The following UNC5C variants were observed in gnomAD, a reference collection of about 807,000 sequenced individuals.
UNC5C encodes netrin receptor UNC5C.
Under a neutral mutation model 99.8 loss-of-function variants are expected in UNC5C, and 47 were observed. The ratio of observed to expected loss-of-function variants is 0.47; its 90% CI spans 0.37 to 0.60. The LOEUF (loss-of-function observed/expected upper bound fraction) is 0.60. Ranked by LOEUF, UNC5C falls within the 20% of genes least tolerant of loss-of-function variation. UNC5C has a pLI of 0.00. For missense variants in UNC5C, 1,062 were observed against 1,165.9 expected, an observed-to-expected ratio of 0.91 and a Z score of 1.30; for synonymous variants, 487 against 452.2, an observed-to-expected ratio of 1.08 and a Z score of -0.98.
At chr4:95,244,257 C>T (rs561088420) in intron 6 of UNC5C, among the ~76,000 whole-genome samples, 9 of 152,180 alleles carry the variant, frequency 5.9e-5, no homozygotes, top group East Asian at 1.9e-4. Context: ...TATTGTATAA[C>T]GAGGCATTTT....
Position 95,368,374 on chromosome 4 carries a change from G to T in UNC5C, c.125-32743C>A, listed in dbSNP as rs577807094. Among the ~76,000 whole-genome samples, 24 of 148,542 alleles carry T rather than the reference G, an allele frequency of 1.6e-4. 1 individual carries two copies. The South Asian group carries it at 4.9e-3, about 30-fold the overall frequency. On this transcript the variant is annotated intron_variant, in intron 1 of 15. Transcript: ENST00000453304. Reference sequence around the variant, plus strand: ...CTACTACATTTCACATCCCATTATGGCATTGGTAAGAATTATCAATTCATT... The same window carrying T: ...CTACTACATTTCACATCCCATTATGTCATTGGTAAGAATTATCAATTCATT...
intron 2 of UNC5C, among the ~76,000 whole-genome samples, chr4:95,329,438 A>G (rs2149417583): frequency 6.6e-6 from 1 of 152,332 alleles, no homozygotes; most frequent in Non-Finnish European, 1.5e-5. Flanking sequence ...AATCAGTGAA[A>G]TCTATATACC....
At chr4:95,400,384 C>CTT (rs1171870515) in intron 1 of UNC5C, among the ~76,000 whole-genome samples, 5,274 of 65,736 alleles carry the variant, frequency 0.08, 1,210 homozygotes, top group African/African-American at 0.11. Flanking sequence ...GAGATGAATT[C>CTT]TTTTTTTTTT....
At chr4:95,326,075 G>A (rs182467483) in intron 2 of UNC5C, among the ~76,000 whole-genome samples, 4 of 152,232 alleles carry the variant, frequency 2.6e-5, no homozygotes, top group African/African-American at 7.2e-5. Flanking sequence ...TAAGTGATTT[G>A]AGGCAAGTTT....
At position 95,238,892 on chromosome 4, in the gene UNC5C, TG is replaced by T. The variant is rs555500896; in HGVS notation, c.1108+3536del. Among the ~76,000 whole-genome samples the T allele has an allele frequency of 7.2e-5, 11 of 152,336 alleles. No homozygotes were observed. In the South Asian group the frequency reaches 2.3e-3, roughly 32 times the overall value. On this transcript the variant is annotated intron_variant, in intron 7 of 15. Transcript: ENST00000453304. ...TGCCTTCCTCTCTAGACATTCCATT[TG>T]TTTTTTTCTCCAAATCTGTCTTTTT...
chr4:95,367,298 A>G (rs928858205), intron 1 of UNC5C, among the ~76,000 whole-genome samples: 2 of 150,374 alleles, frequency 1.3e-5, no homozygotes, highest in Non-Finnish European at 2.9e-5. Flanking sequence ...CCTCACAAGT[A>G]GTTGGGATTA....
intron 10 of UNC5C, among the ~76,000 whole-genome samples, chr4:95,209,379 A>G (rs990559909): frequency 6.6e-6 from 1 of 152,212 alleles, no homozygotes; most frequent in African/African-American, 2.4e-5. Context: ...TAAGAACACA[A>G]TTAAAATTTG....
chr4:95,288,494 G>A (rs113593014), intron 3 of UNC5C, among the ~76,000 whole-genome samples: 4,095 of 152,280 alleles, frequency 0.027, 181 homozygotes, highest in African/African-American at 0.092. Context: ...AATGGATGCC[G>A]CGTAGCAGCT....
intron 1 of UNC5C, among the ~76,000 whole-genome samples, chr4:95,366,818 C>T (rs1744587397): frequency 6.6e-6 from 1 of 152,126 alleles, no homozygotes; most frequent in Admixed American, 6.6e-5. Context: ...GCTGTTATTT[C>T]AAAAGAAAAA....
chr4:95,290,606 C>T (rs1447902327), intron 3 of UNC5C, among the ~76,000 whole-genome samples: 2 of 152,092 alleles, frequency 1.3e-5, no homozygotes, highest in Non-Finnish European at 2.9e-5. Context: ...GATAACAGAA[C>T]TTACTTCATA....
intron 14 of UNC5C, among the ~76,000 whole-genome samples, chr4:95,179,953 G>GTTTA (rs1736543479): frequency 6.6e-6 from 1 of 151,704 alleles, no homozygotes; most frequent in Admixed American, 6.6e-5. Flanking sequence ...TTATTTTTGT[G>GTTTA]TTTATTTTGA....
chr4:95,291,527 A>G (rs1237581530), intron 3 of UNC5C, among the ~76,000 whole-genome samples: 1 of 152,192 alleles, frequency 6.6e-6, no homozygotes, highest in African/African-American at 2.4e-5. Context: ...GACTTATGAG[A>G]CTGTGTTCTA....
At chr4:95,241,002 A>G (rs1370950064) in intron 7 of UNC5C, among the ~76,000 whole-genome samples, 5 of 152,368 alleles carry the variant, frequency 3.3e-5, no homozygotes, top group African/African-American at 1.2e-4. Flanking sequence ...GAGAGAAAGA[A>G]CGTGAAAGGC....
chr4:95,496,668 G>C (rs1375270708), intron 1 of UNC5C, among the ~76,000 whole-genome samples: 1 of 151,470 alleles, frequency 6.6e-6, no homozygotes, highest in Admixed American at 6.7e-5. Context: ...ACAAGAAATA[G>C]ATATTTGTAC....
chr4:95,283,078 T>G (rs1741118610), intron 3 of UNC5C, among the ~76,000 whole-genome samples: 1 of 152,156 alleles, frequency 6.6e-6, no homozygotes, highest in Non-Finnish European at 1.5e-5. Flanking sequence ...TTTCCAAAAT[T>G]TTAAGGTGAC....
intron 1 of UNC5C, among the ~76,000 whole-genome samples, chr4:95,485,652 G>T (rs894327300): frequency 1.3e-5 from 2 of 151,698 alleles, no homozygotes; most frequent in African/African-American, 4.8e-5. Context: ...AATTACTACA[G>T]TCAGATATAA....
At position 95,168,664 on chromosome 4, in the gene UNC5C, A is replaced by G. The variant is rs1362340910; in HGVS notation, c.*570T>C. 1 of 152,818 alleles carries G rather than the reference A, an allele frequency of 6.5e-6. No individual in the cohort carries two copies. Among genetic ancestry groups the G allele is most frequent in the African/African-American group, 2.4e-5 (1 of 41,442 alleles). 9.5% of individuals were successfully genotyped at this position (152,818 alleles called of 1,614,324 possible). A position where few individuals can be genotyped will look rare whatever the true frequency, so the allele number is the denominator to read the frequency against. On this transcript the variant is annotated 3_prime_UTR_variant, in exon 16 of 16. Transcript: ENST00000453304. ...ATACAAACAGTAACACTGGTTCTAC[A>G]AGTTCTAGAAACAGAACACTGATGG...
intron 1 of UNC5C, among the ~76,000 whole-genome samples, chr4:95,468,674 T>C (rs1212575970): frequency 6.6e-6 from 1 of 152,154 alleles, no homozygotes; most frequent in Admixed American, 6.6e-5. Flanking sequence ...GGAGGTTCTC[T>C]TCCATATCAT....
intron 1 of UNC5C, among the ~76,000 whole-genome samples, chr4:95,429,633 C>T (rs778320457): frequency 1.3e-5 from 2 of 152,030 alleles, no homozygotes; most frequent in Non-Finnish European, 2.9e-5. Context: ...CGAATCAGAT[C>T]GGGGCCAAAG....
Sources: gnomAD v4.1 joint callset for allele counts (sites outside exome capture counted in the v4.1 genomes callset) on GRCh38, gnomAD v4.1.1 for gene constraint, MANE v1.5 for transcripts, NCBI Gene and HGNC (gene_info 2026-07-23, HGNC 2026-07-21) for gene names.